Variants in FAM117B observed in about 807,000 individuals in gnomAD.
FAM117B encodes protein FAM117B.
FAM117B carries 22 observed loss-of-function variants against 52.8 expected under a neutral mutation model. The observed-to-expected ratio is 0.42, with a 90% CI of 0.30 to 0.59. The LOEUF (loss-of-function observed/expected upper bound fraction) is 0.59, where lower values mean the gene tolerates loss of function less well. Ranked by LOEUF, FAM117B falls within the 20% of genes least tolerant of loss-of-function variation. The pLI is 0.22. For missense variants in FAM117B, 678 were observed against 802.6 expected, an observed-to-expected ratio of 0.84 and a Z score of 1.88; for synonymous variants, 309 against 324.1, an observed-to-expected ratio of 0.95 and a Z score of 0.50.
chr2:202,722,860 T>A (rs1691176438), intron 2 of FAM117B, among the ~76,000 whole-genome samples: 1 of 152,216 alleles, frequency 6.6e-6, no homozygotes, highest in Non-Finnish European at 1.5e-5. Flanking sequence ...GTTAAGGTTT[T>A]AAATTTTATA....
chr2:202,732,826 GTAAATAAA>G (rs71406995), intron 4 of FAM117B, among the ~76,000 whole-genome samples: 15 of 141,114 alleles, frequency 1.1e-4, no homozygotes, highest in South Asian at 2.2e-4. Flanking sequence ...ATCTCAATAA[GTAAATAAA>G]TAAATAAATA....
At chr2:202,653,754 C>T (rs1336952064) in intron 1 of FAM117B, among the ~76,000 whole-genome samples, 1 of 152,010 alleles carries the variant, frequency 6.6e-6, no homozygotes, top group Non-Finnish European at 1.5e-5. Context: ...TGTATTATAT[C>T]CTCTTGGCAA....
At chr2:202,720,075 T>A (rs1482728220) in intron 2 of FAM117B, among the ~76,000 whole-genome samples, 1 of 152,162 alleles carries the variant, frequency 6.6e-6, no homozygotes, top group Non-Finnish European at 1.5e-5. Context: ...TATTTGAGAT[T>A]GTAAATATTC....
chr2:202,701,968 G>C (rs928646198), intron 2 of FAM117B, among the ~76,000 whole-genome samples: 6 of 152,150 alleles, frequency 3.9e-5, no homozygotes, highest in Non-Finnish European at 1.5e-5. Context: ...TTTTGAGAGG[G>C]TTGTCACCAA....
At chr2:202,686,408 G>GGA (rs1690537775) in intron 1 of FAM117B, among the ~76,000 whole-genome samples, 1 of 152,188 alleles carries the variant, frequency 6.6e-6, no homozygotes, top group Non-Finnish European at 1.5e-5. Context: ...CATTTCCACT[G>GGA]TTTACCCAAG....
Position 202,769,406 on chromosome 2 carries a change from G to A in FAM117B, c.*3642G>A, listed in dbSNP as rs967751415. 1 of 152,636 alleles carries A rather than the reference G, an allele frequency of 6.6e-6. No homozygotes were observed. The highest frequency in any genetic ancestry group is 2.4e-5 in the African/African-American group (1 of 41,456). 9.5% of individuals were successfully genotyped at this position (152,636 alleles called of 1,614,324 possible). A position where few individuals can be genotyped will look rare whatever the true frequency, so the allele number is the denominator to read the frequency against. On this transcript the variant is annotated 3_prime_UTR_variant, in exon 8 of 8. Transcript: ENST00000392238. ...ATGTCTCAAAACCAGATGAGTGGAA[G>A]TGCTGAATTTGCAAAATAAAGCTAA...
intron 1 of FAM117B, among the ~76,000 whole-genome samples, chr2:202,669,027 T>C (rs1441135976): frequency 2.0e-5 from 3 of 152,176 alleles, no homozygotes; most frequent in African/African-American, 4.8e-5. Context: ...AAATAAGGAA[T>C]AATATATGCC....
In FAM117B at chr2:202,657,918, G is replaced by A. The variant is rs549445201; in HGVS notation, c.601+22130G>A. The stretch of plus-strand genomic sequence containing the variant: ...TGTTTTGTTTTTGGTGGCTGCTATG[G>A]GGATTACAATATACATACCTAACTT... On this transcript the variant is annotated intron_variant, in intron 1 of 7. Transcript: ENST00000392238. 1.2e-4 allele frequency among the ~76,000 whole-genome samples: 18 copies of A among 152,014 alleles called. No homozygotes were observed. In the East Asian group the frequency reaches 1.7e-3, roughly 15 times the overall value.
At chr2:202,723,369 G>A (rs1691181507) in intron 2 of FAM117B, among the ~76,000 whole-genome samples, 1 of 152,128 alleles carries the variant, frequency 6.6e-6, no homozygotes, top group Non-Finnish European at 1.5e-5. Flanking sequence ...ACAAAATTCA[G>A]AAGGTACAGA....
Position 202,755,760 on chromosome 2 carries a change from C to T in FAM117B, c.1104+79C>T, listed in dbSNP as rs1691791851. ...TGCACAGTTTGGGTTTCCATATTTACTTGGGTTTCTTCCTTCTCATTGAGA... is the reference window on the plus strand; with the variant it reads ...TGCACAGTTTGGGTTTCCATATTTATTTGGGTTTCTTCCTTCTCATTGAGA... On this transcript the variant is annotated intron_variant, in intron 5 of 7. Transcript: ENST00000392238. 4 of 1,403,946 alleles carry T rather than the reference C, an allele frequency of 2.8e-6. No homozygotes were observed. In the Admixed American group the frequency reaches 8.9e-5, roughly 31 times the overall value. 87.0% of individuals were successfully genotyped at this position (1,403,946 alleles called of 1,614,324 possible). A position where few individuals can be genotyped will look rare whatever the true frequency, so the allele number is the denominator to read the frequency against.
intron 2 of FAM117B, among the ~76,000 whole-genome samples, chr2:202,697,549 C>CTTT (rs555378964): frequency 7.3e-6 from 1 of 137,512 alleles, no homozygotes; most frequent in Non-Finnish European, 1.6e-5. Flanking sequence ...TTTTTTCTTT[C>CTTT]TTTTTTTTTT....
At chr2:202,677,341 C>T (rs550090409) in intron 1 of FAM117B, among the ~76,000 whole-genome samples, 2 of 152,298 alleles carry the variant, frequency 1.3e-5, no homozygotes, top group South Asian at 4.1e-4. Flanking sequence ...GCTGGGATTA[C>T]AGGCGTGAGC....
At chr2:202,674,086 G>A (rs1255042369) in intron 1 of FAM117B, among the ~76,000 whole-genome samples, 1 of 151,918 alleles carries the variant, frequency 6.6e-6, no homozygotes, top group Non-Finnish European at 1.5e-5. Context: ...TACTTCTTCT[G>A]TTTCATTAGC....
intron 1 of FAM117B, among the ~76,000 whole-genome samples, chr2:202,678,952 T>C (rs546909824): frequency 8.5e-5 from 13 of 152,282 alleles, no homozygotes; most frequent in Admixed American, 1.3e-4. Flanking sequence ...ATGAGAAACT[T>C]CTGGAGCTGC....
intron 1 of FAM117B, among the ~76,000 whole-genome samples, chr2:202,671,376 A>G (rs1252846270): frequency 1.3e-5 from 2 of 152,230 alleles, no homozygotes; most frequent in Admixed American, 6.5e-5. Flanking sequence ...GCTAGATTAC[A>G]TAGAGAATAT....
chr2:202,696,695 A>T (rs1159344810), intron 2 of FAM117B, among the ~76,000 whole-genome samples: 1 of 152,224 alleles, frequency 6.6e-6, no homozygotes, highest in Non-Finnish European at 1.5e-5. Context: ...AAATGTAAAT[A>T]TTCTGACAAA....
At chr2:202,765,023 AC>A (rs1216050892) in intron 7 of FAM117B, among the ~76,000 whole-genome samples, 1 of 152,142 alleles carries the variant, frequency 6.6e-6, no homozygotes, top group Non-Finnish European at 1.5e-5. Flanking sequence ...TATACTATAG[AC>A]CTCGGAAAAA....
intron 4 of FAM117B, among the ~76,000 whole-genome samples, chr2:202,739,383 T>G (rs1198932768): frequency 6.6e-6 from 1 of 152,038 alleles, no homozygotes; most frequent in East Asian, 1.9e-4. Context: ...TCCCTTTTCC[T>G]TCCCTTTCCG....
intron 6 of FAM117B, 103 bp from the exon 7 acceptor site, chr2:202,759,130 A>T (rs1424193415): frequency 8.2e-7 from 1 of 1,226,770 alleles, no homozygotes; most frequent in Non-Finnish European, 1.1e-6. Flanking sequence ...TTAATAAAGC[A>T]CTGTTCCTGC....
Sources: allele counts gnomAD v4.1 joint callset (sites outside exome capture counted in the v4.1 genomes callset), GRCh38; gene constraint gnomAD v4.1.1; transcripts MANE v1.5; gene names NCBI Gene and HGNC (gene_info 2026-07-23, HGNC 2026-07-21).